Variants in DPP6 observed in about 807,000 individuals in gnomAD.
DPP6 encodes A-type potassium channel modulatory protein DPP6.
In DPP6, 69 loss-of-function variants were observed where a neutral mutation model predicts 122.6. That is an observed-to-expected ratio of 0.56 (90% CI 0.46 to 0.69). The LOEUF (loss-of-function observed/expected upper bound fraction) is 0.69, where lower values mean the gene tolerates loss of function less well. DPP6 is among the 30% of genes least tolerant of loss of function. DPP6 has a pLI of 0.00. For missense variants in DPP6, 928 were observed against 1,116.9 expected, an observed-to-expected ratio of 0.83 and a Z score of 2.41; for synonymous variants, 418 against 433.1, an observed-to-expected ratio of 0.97 and a Z score of 0.43.
In DPP6 at chr7:154,103,954, C is replaced by T. The variant is rs537826837; in HGVS notation, c.243+50891C>T. On this transcript the variant is annotated intron_variant, in intron 1 of 25. Coordinates refer to ENST00000377770, the MANE Select transcript of DPP6 (RefSeq NM_130797.4). ...CTTTTGGACTTGGACTGAGCCACTA[C>T]CGGCTTCTCTCTTCCCCAGCTTGCA... 5.9e-5 allele frequency among the ~76,000 whole-genome samples: 9 copies of T among 152,312 alleles called. No individual in the cohort carries two copies. The South Asian group carries it at 1.9e-3, about 32-fold the overall frequency.
At chr7:154,009,696 C>T (rs575381490) in intron 1 of DPP6, among the ~76,000 whole-genome samples, 3 of 151,372 alleles carry the variant, frequency 2.0e-5, no homozygotes, top group Non-Finnish European at 4.4e-5. Context: ...TTGTTCTGCT[C>T]TGCTGGGCCC....
chr7:154,792,568 A>G (rs2150425394), intron 10 of DPP6, among the ~76,000 whole-genome samples: 1 of 152,362 alleles, frequency 6.6e-6, no homozygotes, highest in Admixed American at 6.5e-5. Context: ...TGTTGCTGGC[A>G]GGATGTGCCA....
chr7:154,095,833 C>G (rs1395732159), intron 1 of DPP6: 1 of 131,636 alleles, frequency 7.6e-6, no homozygotes, highest in Non-Finnish European at 1.6e-5. Flanking sequence ...CTCGATAGCA[C>G]AGAAAAGACA....
intron 1 of DPP6, among the ~76,000 whole-genome samples, chr7:154,257,000 T>TTTTTG (rs1554502558): frequency 7.5e-6 from 1 of 133,888 alleles, no homozygotes; most frequent in African/African-American, 2.6e-5. Flanking sequence ...TTCTTCTTCT[T>TTTTTG]TTTTTTTTTT....
intron 1 of DPP6, among the ~76,000 whole-genome samples, chr7:154,425,732 T>C (rs377304472): frequency 1.3e-5 from 2 of 151,884 alleles, no homozygotes. Flanking sequence ...AGCCTTGACC[T>C]TCTGGGCTCA....
At chr7:154,727,213 A>G (rs1288930175) in intron 7 of DPP6, among the ~76,000 whole-genome samples, 4 of 152,232 alleles carry the variant, frequency 2.6e-5, no homozygotes, top group Non-Finnish European at 5.9e-5. Flanking sequence ...CATAGAAAGC[A>G]TGGTTGGGGA....
intron 17 of DPP6, chr7:154,865,227 C>T (rs1357080207): frequency 6.6e-6 from 1 of 152,210 alleles, no homozygotes; most frequent in Non-Finnish European, 1.5e-5. Context: ...GTCTTTCTAC[C>T]TTTGCTCCTG....
intron 1 of DPP6, among the ~76,000 whole-genome samples, chr7:154,180,661 G>A (rs1798038301): frequency 6.6e-6 from 1 of 151,176 alleles, no homozygotes; most frequent in Non-Finnish European, 1.5e-5. Context: ...TTTTACTAAT[G>A]TGGGCGATGA....
At chr7:154,787,798 T>C (rs1452218213) in intron 10 of DPP6, among the ~76,000 whole-genome samples, 1 of 152,208 alleles carries the variant, frequency 6.6e-6, no homozygotes, top group Non-Finnish European at 1.5e-5. Context: ...TCCAAACTGA[T>C]CACCATTTTG....
chr7:153,918,524 AACACACACACACACACACACACACAC>A (rs71182852), intron 1 of DPP6, among the ~76,000 whole-genome samples: 1 of 77,438 alleles, frequency 1.3e-5, no homozygotes. Context: ...AGGTAATTAA[AACACACACACACACACACACACACAC>A]ACACACACAC....
At chr7:154,058,290 C>G (rs1372350210) in intron 1 of DPP6, 1 of 149,898 alleles carries the variant, frequency 6.7e-6, no homozygotes, top group Non-Finnish European at 1.5e-5. Flanking sequence ...CCCTCTTCCC[C>G]CCTTTGCTCT....
At chr7:154,344,469 A>G (rs1363720156) in intron 1 of DPP6, among the ~76,000 whole-genome samples, 1 of 152,162 alleles carries the variant, frequency 6.6e-6, no homozygotes, top group Non-Finnish European at 1.5e-5. Flanking sequence ...TGTTGGTGGG[A>G]AGGTAAATTA....
chr7:154,508,653 T>G (rs1264020831), intron 3 of DPP6, among the ~76,000 whole-genome samples: 2 of 152,184 alleles, frequency 1.3e-5, no homozygotes, highest in Non-Finnish European at 2.9e-5. Flanking sequence ...CACTTCTGCC[T>G]CCACTTGTGC....
At chr7:153,874,641 G>T in the DPP6 span, among the ~76,000 whole-genome samples, 10 of 152,210 alleles carry the variant, frequency 6.6e-5, no homozygotes, top group Non-Finnish European at 1.2e-4. Context: ...CTCCCAGAGT[G>T]CTGGGATTAC....
chr7:154,682,634 T>C (rs191870638), intron 7 of DPP6, among the ~76,000 whole-genome samples: 7 of 152,380 alleles, frequency 4.6e-5, no homozygotes, highest in African/African-American at 1.2e-4. Flanking sequence ...AATTTTAGTG[T>C]GTCCAAGTCA....
chr7:154,749,066 G>T (rs1843184465), intron 8 of DPP6, among the ~76,000 whole-genome samples: 1 of 151,472 alleles, frequency 6.6e-6, no homozygotes. Flanking sequence ...AGGGAGCATA[G>T]GATGGGAAAG....
At chr7:154,855,617 C>A (rs1802769988) in intron 17 of DPP6, among the ~76,000 whole-genome samples, 1 of 152,194 alleles carries the variant, frequency 6.6e-6, no homozygotes, top group Non-Finnish European at 1.5e-5. Context: ...CACCCTCTGC[C>A]CACTCTAAGG....
intron 7 of DPP6, among the ~76,000 whole-genome samples, chr7:154,694,792 A>C (rs1840124724): frequency 6.6e-6 from 1 of 152,104 alleles, no homozygotes; most frequent in Admixed American, 6.5e-5. Flanking sequence ...GGGTTTTCCC[A>C]GGACATTCAT....
intron 2 of DPP6, among the ~76,000 whole-genome samples, chr7:154,463,540 C>T (rs750635176): frequency 3.3e-5 from 5 of 152,120 alleles, no homozygotes; most frequent in African/African-American, 4.8e-5. Context: ...AGAAGTCTCT[C>T]CCTGTAGCCC....
Sources: allele counts gnomAD v4.1 joint callset (sites outside exome capture counted in the v4.1 genomes callset), GRCh38; gene constraint gnomAD v4.1.1; transcripts MANE v1.5; gene names NCBI Gene and HGNC (gene_info 2026-07-23, HGNC 2026-07-21).